RANBP17: variants seen among roughly 807,000 people sequenced by gnomAD.
The protein encoded by RANBP17 is ran-binding protein 17.
In RANBP17, 158 loss-of-function variants were observed where a neutral mutation model predicts 141.2. The ratio of observed to expected loss-of-function variants is 1.12; its 90% CI spans 0.98 to 1.28. The LOEUF (loss-of-function observed/expected upper bound fraction) is 1.28, where lower values mean the gene tolerates loss of function less well. RANBP17 is among the 50% of genes most tolerant of loss of function. The pLI is 0.00. For missense variants in RANBP17, 1,438 were observed against 1,290.7 expected (o/e 1.11, Z -1.75); for synonymous variants, 430 against 450.0 (o/e 0.96, Z 0.56).
At position 170,924,327 on chromosome 5, in the gene RANBP17, G is replaced by A. The variant is rs1298648266; in HGVS notation, c.1275-30G>A. 2.1e-6 allele frequency: 3 copies of A among 1,455,280 alleles called. No homozygotes were observed. In the Admixed American group the frequency reaches 5.3e-5, roughly 26 times the overall value. The allele number at this position is 1,455,280 out of a possible 1,614,324, so 90.1% of individuals were successfully genotyped here. A position where few individuals can be genotyped will look rare whatever the true frequency, so the allele number is the denominator to read the frequency against. The stretch of plus-strand genomic sequence containing the variant: ...GAATAAAAGTGCTTCACATTCTAAT[G>A]TTGTCTGCAAACTTATTCTGTGTTT... On this transcript the variant is annotated intron_variant, in intron 11 of 27. Transcript: ENST00000523189.
At chr5:170,862,921 G>A (rs1459097999) in intron 1 of RANBP17, among the ~76,000 whole-genome samples, 1 of 152,218 alleles carries the variant, frequency 6.6e-6, no homozygotes, top group Non-Finnish European at 1.5e-5. Context: ...TCATAGCACA[G>A]AAAAGGGGGT....
At chr5:171,002,610 T>A (rs1175370525) in intron 14 of RANBP17, among the ~76,000 whole-genome samples, 1 of 152,176 alleles carries the variant, frequency 6.6e-6, no homozygotes, top group Non-Finnish European at 1.5e-5. Flanking sequence ...ATAGTCCCTT[T>A]GCAAGAGTGA....
chr5:171,009,973 G>A (rs963966779), intron 14 of RANBP17, among the ~76,000 whole-genome samples: 1 of 152,030 alleles, frequency 6.6e-6, no homozygotes, highest in Non-Finnish European at 1.5e-5. Context: ...CAGTATATGG[G>A]AATACAGCTC....
chr5:170,934,695 C>T (rs527680244), intron 12 of RANBP17, among the ~76,000 whole-genome samples: 1 of 152,280 alleles, frequency 6.6e-6, no homozygotes, highest in South Asian at 2.1e-4. Flanking sequence ...CATGGGCTTC[C>T]CTTTGTGGGT....
chr5:171,108,609 C>T (rs755758797), intron 14 of RANBP17, among the ~76,000 whole-genome samples: 16 of 151,948 alleles, frequency 1.1e-4, no homozygotes, highest in Non-Finnish European at 1.3e-4. Flanking sequence ...GATGGAGACT[C>T]CGTATGATGT....
chr5:171,186,569 C>T (rs1761265410), intron 18 of RANBP17, among the ~76,000 whole-genome samples: 1 of 87,028 alleles, frequency 1.1e-5, no homozygotes, highest in Non-Finnish European at 2.1e-5. Context: ...CGGAGTCTCG[C>T]TCTGTCGCCC....
At chr5:171,144,262 G>C (rs750928906) in intron 14 of RANBP17, among the ~76,000 whole-genome samples, 1 of 152,014 alleles carries the variant, frequency 6.6e-6, no homozygotes, top group Non-Finnish European at 1.5e-5. Context: ...TCAGGAGGCC[G>C]AGGTGAGGTA....
At chr5:171,261,782 C>G (rs1396392953) in intron 24 of RANBP17, among the ~76,000 whole-genome samples, 4 of 152,076 alleles carry the variant, frequency 2.6e-5, no homozygotes, top group African/African-American at 9.7e-5. Context: ...TGACCTCTGC[C>G]TGTGTTTTAT....
intron 16 of RANBP17, among the ~76,000 whole-genome samples, chr5:171,182,841 C>T (rs1357206617): frequency 6.6e-6 from 1 of 151,934 alleles, no homozygotes; most frequent in Non-Finnish European, 1.5e-5. Flanking sequence ...AGTAGAAGTT[C>T]GTAAGTTACA....
At chr5:171,221,522 A>C (rs947582732) in intron 21 of RANBP17, among the ~76,000 whole-genome samples, 9 of 152,230 alleles carry the variant, frequency 5.9e-5, no homozygotes, top group Non-Finnish European at 7.3e-5. Flanking sequence ...ACAGATAAAA[A>C]ATGAACTCTT....
At chr5:171,067,430 A>T (rs1164688387) in intron 14 of RANBP17, among the ~76,000 whole-genome samples, 2 of 152,150 alleles carry the variant, frequency 1.3e-5, no homozygotes, top group Non-Finnish European at 2.9e-5. Flanking sequence ...ATACAATAAT[A>T]TTGGCATTTA....
Position 171,298,763 on chromosome 5 carries a change from T to C in RANBP17, c.3172T>C (p.Phe1058Leu), listed in dbSNP as rs750643716. The C allele has an allele frequency of 6.2e-7, 1 of 1,613,580 alleles. No homozygotes were observed. Among genetic ancestry groups the C allele is most frequent in the Non-Finnish European group, 8.5e-7 (1 of 1,179,508 alleles). Residue 1058 changes from phenylalanine to leucine, a missense_variant and splice_region_variant, in exon 28 of 28, where the codon TTC (phenylalanine) becomes CTC (leucine). By Grantham distance (22) the Phe-to-Leu change is conservative. Transcript: ENST00000523189. ...GACCCTTTCTTCCTCTTTCTGCAGG[T>C]TCACCCAAAATCTGTCTGTATTCAG... ...QNLSVKNRDR[F>L]TQNLSVFRRD... is the part of the protein sequence containing the mutation.
intron 25 of RANBP17, among the ~76,000 whole-genome samples, chr5:171,291,648 C>T (rs1368819540): frequency 6.6e-6 from 1 of 152,186 alleles, no homozygotes; most frequent in Non-Finnish European, 1.5e-5. Context: ...AGCATTTCAT[C>T]CAGTATTCTT....
chr5:171,242,629 A>T, intron 23 of RANBP17, 53 bp from the exon 24 acceptor site: 1 of 1,583,138 alleles, frequency 6.3e-7, no homozygotes, highest in African/African-American at 1.4e-5. Flanking sequence ...CTGGACTGTA[A>T]CATGTATTTT....
chr5:171,071,145 T>C (rs762829569), intron 14 of RANBP17, among the ~76,000 whole-genome samples: 1 of 152,130 alleles, frequency 6.6e-6, no homozygotes, highest in Non-Finnish European at 1.5e-5. Context: ...CATGTTTCTG[T>C]GTAACCTCGC....
chr5:171,194,159 C>A (rs553423142), intron 18 of RANBP17, among the ~76,000 whole-genome samples: 6 of 152,096 alleles, frequency 3.9e-5, no homozygotes, highest in Admixed American at 2.6e-4. Flanking sequence ...GTGTACATTT[C>A]GGAGGGGGAG....
intron 1 of RANBP17, among the ~76,000 whole-genome samples, chr5:170,866,136 T>C (rs1023228516): frequency 1.4e-4 from 22 of 152,118 alleles, no homozygotes; most frequent in Admixed American, 2.0e-4. Flanking sequence ...AATTGGTGTT[T>C]CTGGTGTGGC....
chr5:171,058,246 G>A (rs1389232955), intron 14 of RANBP17, among the ~76,000 whole-genome samples: 1 of 151,022 alleles, frequency 6.6e-6, no homozygotes, highest in Admixed American at 6.6e-5. Flanking sequence ...ATGCCATGCT[G>A]GTGTGCTGCA....
At chr5:170,987,808 A>G (rs1778247482) in intron 14 of RANBP17, among the ~76,000 whole-genome samples, 1 of 151,740 alleles carries the variant, frequency 6.6e-6, no homozygotes, top group Non-Finnish European at 1.5e-5. Context: ...TTGGGGCAGA[A>G]AAATCTAGTT....
Sources: allele counts gnomAD v4.1 joint callset (sites outside exome capture counted in the v4.1 genomes callset), GRCh38; gene constraint gnomAD v4.1.1; transcripts MANE v1.5; gene names NCBI Gene and HGNC (gene_info 2026-07-23, HGNC 2026-07-21).